RNU11: variants seen among roughly 807,000 people sequenced by gnomAD.
The protein encoded by RNU11 is RNA, U11 small nuclear.
At chr1:28,648,715 C>T (rs371969976) in exon 1 of RNU11, 214 of 153,500 alleles carry the variant, frequency 1.4e-3, no homozygotes, top group Non-Finnish European at 2.1e-3. Context: ...AGCTGGTGAT[C>T]GTTGGTCCCG....
exon 1 of RNU11, chr1:28,648,711 T>G (rs972005081): frequency 1.3e-5 from 2 of 153,740 alleles, no homozygotes; most frequent in Non-Finnish European, 1.5e-5. Context: ...GGGCAGCTGG[T>G]GATCGTTGGT....
At chr1:28,648,613 G>C (rs140290417) in exon 1 of RNU11, 1 of 163,512 alleles carries the variant, frequency 6.1e-6, no homozygotes, top group Non-Finnish European at 1.3e-5. Context: ...AAGGGCTTCT[G>C]TCGTGAGTGG....
At chr1:28,648,724 C>G (rs147263680) in exon 1 of RNU11, 3 of 153,408 alleles carry the variant, frequency 2.0e-5, no homozygotes, top group East Asian at 3.9e-4. Context: ...TCGTTGGTCC[C>G]GGCGCCCTTT....
At chr1:28,648,639 TCGATTGCTCTGCGTG>T (rs1415730450) in exon 1 of RNU11, 1 of 155,486 alleles carries the variant, frequency 6.4e-6, no homozygotes, top group Non-Finnish European at 1.4e-5. Flanking sequence ...GTAGGGCAAC[TCGATTGCTCTGCGTG>T]CGGAATCGAC....
rs145438715 is a variant in RNU11, at chr1:28,648,608, C to T, written n.9C>T. Reference sequence around the variant, plus strand: ...TTGGTGACAGAGAAAGCAAAAAGGGCTTCTGTCGTGAGTGGCACACGTAGG... The same window carrying T: ...TTGGTGACAGAGAAAGCAAAAAGGGTTTCTGTCGTGAGTGGCACACGTAGG... On this transcript the variant is annotated non_coding_transcript_exon_variant, in exon 1 of 1. Transcript: ENST00000387069. 307 of 171,180 alleles carry T rather than the reference C, an allele frequency of 1.8e-3. 1 individual carries two copies. Among genetic ancestry groups the T allele is most frequent in the African/African-American group, 2.1e-3 (88 of 41,800 alleles). The allele number at this position is 171,180 out of a possible 1,614,324, so 10.6% of individuals were successfully genotyped here.
chr1:28,648,674 T>G (rs989202748), exon 1 of RNU11: 2 of 153,966 alleles, frequency 1.3e-5, no homozygotes, highest in East Asian at 1.9e-4. Flanking sequence ...CATCAAGAGA[T>G]TTCGGAAGCA....
At chr1:28,648,612 T>TG (rs1313991872) in exon 1 of RNU11, 1 of 164,488 alleles carries the variant, frequency 6.1e-6, no homozygotes, top group African/African-American at 2.4e-5. Flanking sequence ...AAAGGGCTTC[T>TG]GTCGTGAGTG....
exon 1 of RNU11, chr1:28,648,721 T>C (rs781272720): frequency 1.3e-5 from 2 of 153,720 alleles, no homozygotes; most frequent in Non-Finnish European, 2.9e-5. Flanking sequence ...TGATCGTTGG[T>C]CCCGGCGCCC....
chr1:28,648,717 T>C (rs1040086862), exon 1 of RNU11: 1 of 153,748 alleles, frequency 6.5e-6, no homozygotes, highest in Admixed American at 6.6e-5. Context: ...CTGGTGATCG[T>C]TGGTCCCGGC....
At chr1:28,648,611 C>CA (rs1557481312) in exon 1 of RNU11, 2 of 166,654 alleles carry the variant, frequency 1.2e-5, no homozygotes, top group African/African-American at 4.8e-5. Context: ...AAAAGGGCTT[C>CA]TGTCGTGAGT....
exon 1 of RNU11, chr1:28,648,631 AG>A (rs1668273570): frequency 6.4e-6 from 1 of 156,836 alleles, no homozygotes; most frequent in African/African-American, 2.4e-5. Flanking sequence ...TGGCACACGT[AG>A]GGCAACTCGA....
chr1:28,648,709 G>A lies in RNU11; in HGVS notation n.110G>A, dbSNP rs143926421. 2.6e-3 allele frequency: 395 copies of A among 153,780 alleles called. 1 individual carries two copies. Among genetic ancestry groups the A allele is most frequent in the Non-Finnish European group, 4.6e-3 (310 of 68,072 alleles). 9.5% of individuals were successfully genotyped at this position (153,780 alleles called of 1,614,324 possible). On this transcript the variant is annotated non_coding_transcript_exon_variant, in exon 1 of 1. Coordinates refer to ENST00000387069, the Ensembl canonical transcript of RNU11. ...ATAATTTTTTGGTATTTGGGCAGCTGGTGATCGTTGGTCCCGGCGCCCTTT... is the reference window on the plus strand; with the variant it reads ...ATAATTTTTTGGTATTTGGGCAGCTAGTGATCGTTGGTCCCGGCGCCCTTT...
At chr1:28,648,722 C>A (rs181924966) in exon 1 of RNU11, 1 of 153,476 alleles carries the variant, frequency 6.5e-6, no homozygotes, top group Non-Finnish European at 1.5e-5. Context: ...GATCGTTGGT[C>A]CCGGCGCCCT....
exon 1 of RNU11, chr1:28,648,704 C>G (rs192996376): frequency 6.5e-6 from 1 of 153,690 alleles, no homozygotes; most frequent in Non-Finnish European, 1.5e-5. Context: ...GGTATTTGGG[C>G]AGCTGGTGAT....
exon 1 of RNU11, chr1:28,648,624 C>CA (rs1553131662): frequency 6.3e-6 from 1 of 158,406 alleles, no homozygotes; most frequent in East Asian, 1.9e-4. Flanking sequence ...TCGTGAGTGG[C>CA]ACACGTAGGG....
rs376377178 is a variant in RNU11, at chr1:28,648,664, C to T, written n.65C>T. The T allele has an allele frequency of 6.2e-4, 95 of 154,350 alleles. 1 individual carries two copies. Among genetic ancestry groups the T allele is most frequent in the Admixed American group, 1.4e-3 (21 of 15,268 alleles). 9.6% of individuals were successfully genotyped at this position (154,350 alleles called of 1,614,324 possible). ...TCGATTGCTCTGCGTGCGGAATCGA[C>T]ATCAAGAGATTTCGGAAGCATAATT... On this transcript the variant is annotated non_coding_transcript_exon_variant, in exon 1 of 1. Transcript: ENST00000387069.
chr1:28,648,697 A>C (rs111868204), exon 1 of RNU11: 1 of 153,696 alleles, frequency 6.5e-6, no homozygotes, highest in African/African-American at 2.4e-5. Flanking sequence ...ATTTTTTGGT[A>C]TTTGGGCAGC....
At chr1:28,648,729 C>CCCTTTCTTTA (rs1400957953) in exon 1 of RNU11, 15 of 153,440 alleles carry the variant, frequency 9.8e-5, no homozygotes, top group Admixed American at 9.2e-4. Flanking sequence ...GGTCCCGGCG[C>CCCTTTCTTTA]CCTTTCTTTA....
exon 1 of RNU11, chr1:28,648,716 G>A (rs376687394): frequency 1.6e-4 from 25 of 153,694 alleles, no homozygotes; most frequent in African/African-American, 2.9e-4. Flanking sequence ...GCTGGTGATC[G>A]TTGGTCCCGG....
Sources: allele counts gnomAD v4.1 joint callset, GRCh38; gene constraint gnomAD v4.1.1; transcripts MANE v1.5; gene names NCBI Gene and HGNC (gene_info 2026-07-23, HGNC 2026-07-21).